Variants in SPMIP4 observed in about 807,000 individuals in gnomAD.
SPMIP4 encodes sperm-associated microtubule inner protein 4.
chr7:25,168,972 C>A, the SPMIP4 span, among the ~76,000 whole-genome samples: 3 of 151,940 alleles, frequency 2.0e-5, no homozygotes, highest in African/African-American at 7.2e-5. Flanking sequence ...GGTGATCCAC[C>A]CGCCTCGGCC....
At chr7:25,147,665 T>C in the SPMIP4 span, among the ~76,000 whole-genome samples, 1 of 152,220 alleles carries the variant, frequency 6.6e-6, no homozygotes, top group Non-Finnish European at 1.5e-5. Flanking sequence ...TTAACGTTCT[T>C]ATGTGGAATA....
chr7:25,168,319 T>A, the SPMIP4 span: 2 of 1,607,864 alleles, frequency 1.2e-6, no homozygotes, highest in Non-Finnish European at 1.7e-6. Context: ...AAATCCATAA[T>A]GCTGATGTCC....
the SPMIP4 span, among the ~76,000 whole-genome samples, chr7:25,154,606 G>A: frequency 1.3e-5 from 2 of 152,210 alleles, no homozygotes; most frequent in African/African-American, 2.4e-5. Flanking sequence ...TATCACTGCT[G>A]CATCCACGTC....
chr7:25,130,415 A>G, the SPMIP4 span, among the ~76,000 whole-genome samples: 1 of 149,134 alleles, frequency 6.7e-6, no homozygotes, highest in Non-Finnish European at 1.5e-5. Flanking sequence ...CAGGTTCAAG[A>G]GATTCTCCTG....
chr7:25,134,440 T>C, the SPMIP4 span, among the ~76,000 whole-genome samples: 1 of 152,010 alleles, frequency 6.6e-6, no homozygotes, highest in Non-Finnish European at 1.5e-5. Flanking sequence ...GTATTTTCTG[T>C]CATCAAATAA....
At chr7:25,162,137 G>A in the SPMIP4 span, among the ~76,000 whole-genome samples, 2 of 151,550 alleles carry the variant, frequency 1.3e-5, no homozygotes, top group Non-Finnish European at 2.9e-5. Flanking sequence ...TGGGTGTGGT[G>A]GCCCACACCT....
the SPMIP4 span, chr7:25,151,691 A>G: frequency 6.5e-7 from 1 of 1,535,730 alleles, no homozygotes; most frequent in Admixed American, 1.7e-5. Context: ...TTACCTGAAA[A>G]TTTCAGGAAA....
At chr7:25,144,922 T>C in the SPMIP4 span, among the ~76,000 whole-genome samples, 3 of 151,906 alleles carry the variant, frequency 2.0e-5, no homozygotes, top group Admixed American at 6.6e-5. Context: ...TCTTTTTCAT[T>C]ATTTGCAGAG....
At chr7:25,179,334 T>C in the SPMIP4 span, 57 of 1,594,824 alleles carry the variant, frequency 3.6e-5, no homozygotes, top group Non-Finnish European at 4.6e-5. Context: ...AGGCACAACC[T>C]GGAAAAGAAA....
At chr7:25,170,498 T>C in the SPMIP4 span, among the ~76,000 whole-genome samples, 1 of 152,260 alleles carries the variant, frequency 6.6e-6, no homozygotes, top group Non-Finnish European at 1.5e-5. Flanking sequence ...ACTTACTTGA[T>C]AGTGTCCCTT....
the SPMIP4 span, among the ~76,000 whole-genome samples, chr7:25,127,566 C>A: frequency 3.3e-5 from 5 of 152,264 alleles, no homozygotes; most frequent in South Asian, 1.0e-3. Flanking sequence ...TTAAATTTAT[C>A]TTGTAGAATT....
chr7:25,131,134 T>C, the SPMIP4 span, among the ~76,000 whole-genome samples: 1 of 152,346 alleles, frequency 6.6e-6, no homozygotes, highest in Non-Finnish European at 1.5e-5. This position sits in a 1 kb window ranked among gnomAD's most constrained non-coding sequence, Gnocchi z 4.2. Flanking sequence ...TCATAGGAAC[T>C]TGAACTCTAT....
At chr7:25,141,667 T>C in the SPMIP4 span, among the ~76,000 whole-genome samples, 3 of 151,982 alleles carry the variant, frequency 2.0e-5, no homozygotes, top group African/African-American at 7.3e-5. Flanking sequence ...ACTGCTTCTT[T>C]TGTAAGTTAT....
the SPMIP4 span, among the ~76,000 whole-genome samples, chr7:25,176,245 G>C: frequency 2.0e-5 from 3 of 152,182 alleles, no homozygotes; most frequent in East Asian, 5.8e-4. This position sits in a 1 kb window ranked among gnomAD's most constrained non-coding sequence, Gnocchi z 4.4. Flanking sequence ...TCAGTGAAAA[G>C]CCTTTGACAG....
the SPMIP4 span, among the ~76,000 whole-genome samples, chr7:25,133,443 T>A: frequency 0.01 from 1,596 of 152,334 alleles, 28 homozygotes; most frequent in African/African-American, 0.037. Flanking sequence ...ATGCTTATGT[T>A]TGTCCACTGG....
the SPMIP4 span, among the ~76,000 whole-genome samples, chr7:25,156,723 T>A: frequency 6.6e-6 from 1 of 152,190 alleles, no homozygotes; most frequent in South Asian, 2.1e-4. Context: ...AGTCTTGCTC[T>A]GTCATCCAGG....
At chr7:25,162,482 C>T in the SPMIP4 span, among the ~76,000 whole-genome samples, 1 of 151,394 alleles carries the variant, frequency 6.6e-6, no homozygotes, top group Admixed American at 6.6e-5. Flanking sequence ...TAAAAATGGG[C>T]GAAGAATAAA....
chr7:25,141,708 TTA>T, the SPMIP4 span, among the ~76,000 whole-genome samples: 1 of 90,484 alleles, frequency 1.1e-5, no homozygotes. Context: ...AGAAAATCTG[TTA>T]AAAAAAAAAA....
chr7:25,136,890 C>T, the SPMIP4 span: 8 of 1,194,980 alleles, frequency 6.7e-6, no homozygotes, highest in Admixed American at 2.1e-5. The surrounding 1 kb of genome is among the most constrained non-coding windows in gnomAD (Gnocchi z 5.7). Context: ...TCTGAGTACA[C>T]GAGATGGGCA....
Sources: allele counts gnomAD v4.1 joint callset (sites outside exome capture counted in the v4.1 genomes callset), GRCh38; gene constraint gnomAD v4.1.1; non-coding constraint Gnocchi (gnomAD v3.1); transcripts MANE v1.5; gene names NCBI Gene and HGNC (gene_info 2026-07-23, HGNC 2026-07-21).